The following NRCAM variants were observed in gnomAD, a reference collection of about 807,000 sequenced individuals.
NRCAM encodes the protein neuronal cell adhesion molecule, also known as NgCAM-related cell adhesion molecule.
Under a neutral mutation model 156.5 loss-of-function variants are expected in NRCAM, and 83 were observed. The observed-to-expected ratio is 0.53, with a 90% CI of 0.44 to 0.64. The LOEUF is 0.64. Ranked by LOEUF, NRCAM falls within the 30% of genes least tolerant of loss-of-function variation. NRCAM has a pLI of 0.00. For synonymous variants in NRCAM, 538 were observed against 563.9 expected, an observed-to-expected ratio of 0.95 and a Z score of 0.65; for missense variants, 1,417 against 1,597.3, an observed-to-expected ratio of 0.89 and a Z score of 1.92.
In NRCAM at chr7:108,182,744, C is replaced by T. The variant is rs768481303; in HGVS notation, c.2481G>A (p.Met827Ile). 6.2e-7 allele frequency: 1 copy of T among 1,614,246 alleles called. No individual in the cohort carries two copies. Among genetic ancestry groups the T allele is most frequent in the Middle Eastern group, 1.6e-4 (1 of 6,062 alleles). ...YLIKVQALND[M>I]GFAPEPAVVM... ...CTACAGCTGGCTCGGGGGCAAACCC[C>T]ATGTCATTCAGGGCCTGAACTTTGA... The change falls in exon 23 of 33, where the codon ATG becomes ATA. Residue 827 changes from methionine (M) to isoleucine (I), a missense_variant. Met to Ile is a conservative substitution (Grantham distance 10). Coordinates refer to ENST00000379028, the MANE Select transcript of NRCAM (RefSeq NM_001037132.4).
At chr7:108,448,328 ATGT>A (rs1191722486) in intron 1 of NRCAM, among the ~76,000 whole-genome samples, 7 of 152,240 alleles carry the variant, frequency 4.6e-5, no homozygotes, top group African/African-American at 1.7e-4. Flanking sequence ...TGCCATGTCA[ATGT>A]TATTTCCCTA....
chr7:108,220,914 CCA>C (rs1363094824), intron 11 of NRCAM, among the ~76,000 whole-genome samples: 1 of 152,098 alleles, frequency 6.6e-6, no homozygotes, highest in Non-Finnish European at 1.5e-5. Context: ...AACAGACAAC[CCA>C]CAGAGTGGGA....
At chr7:108,152,494 G>T (rs2042266007) in intron 32 of NRCAM, among the ~76,000 whole-genome samples, 1 of 151,310 alleles carries the variant, frequency 6.6e-6, no homozygotes, top group Admixed American at 6.6e-5. Context: ...GTGGAACATT[G>T]TAAGGACGCT....
intron 2 of NRCAM, among the ~76,000 whole-genome samples, chr7:108,376,524 TAAGGGG>T (rs920429196): frequency 6.6e-6 from 1 of 152,136 alleles, no homozygotes; most frequent in African/African-American, 2.4e-5. Context: ...AGAGTTAGTG[TAAGGGG>T]TTACAGCAGA....
intron 22 of NRCAM, 100 bp from the exon 23 acceptor site, chr7:108,183,020 C>A: frequency 2.2e-6 from 2 of 924,520 alleles, no homozygotes; most frequent in South Asian, 1.5e-5. Context: ...AGAAAGTGAT[C>A]ATTGAAATAC....
chr7:108,358,244 C>CAAAAAAA lies in NRCAM; in HGVS notation c.-174+41185_-174+41191dup, dbSNP rs71314689. Among the ~76,000 whole-genome samples, 2 of 71,786 alleles carry CAAAAAAA rather than the reference C, an allele frequency of 2.8e-5. 1 individual carries two copies. 47.1% of individuals were successfully genotyped at this position (71,786 alleles called of 152,430 possible). The stretch of plus-strand genomic sequence containing the variant: ...GCAACATGGTGAAACCCCCTCTCTA[C>CAAAAAAA]AAAAAAAAAAAAAAAAAAGGCCTGA... On this transcript the variant is annotated intron_variant, in intron 2 of 32. Transcript: ENST00000379028.
chr7:108,212,008 C>A (rs1332085489), intron 11 of NRCAM, among the ~76,000 whole-genome samples: 1 of 152,202 alleles, frequency 6.6e-6, no homozygotes, highest in African/African-American at 2.4e-5. Flanking sequence ...AACCCCCTGC[C>A]ACCTCCACCA....
At chr7:108,198,855 G>A (rs969222257) in intron 13 of NRCAM, among the ~76,000 whole-genome samples, 1 of 152,120 alleles carries the variant, frequency 6.6e-6, no homozygotes, top group Non-Finnish European at 1.5e-5. Flanking sequence ...GTATTAAAAC[G>A]TTAGGAACAG....
rs1293396115 is a variant in NRCAM, at chr7:108,409,756, C to CA, written c.-331-10164dup. Among the ~76,000 whole-genome samples, 3 of 152,074 alleles carry CA rather than the reference C, an allele frequency of 2.0e-5. No homozygotes were observed. In the East Asian group the frequency reaches 5.8e-4, roughly 29 times the overall value. On this transcript the variant is annotated intron_variant, in intron 1 of 32. Transcript: ENST00000379028. ...TAAAATTTAGCAAAATTTCCCCTGG[C>CA]AAAAAAATTTCACACCCATAGAAGC...
chr7:108,221,206 T>C (rs1160853253), intron 11 of NRCAM, among the ~76,000 whole-genome samples: 2 of 152,214 alleles, frequency 1.3e-5, no homozygotes, highest in African/African-American at 4.8e-5. Context: ...CAGTAGATGT[T>C]GGCATGGATG....
intron 3 of NRCAM, among the ~76,000 whole-genome samples, chr7:108,259,382 G>A (rs1400737581): frequency 2.0e-5 from 3 of 152,180 alleles, no homozygotes; most frequent in Non-Finnish European, 4.4e-5. Context: ...GGAACGCTCT[G>A]ACACTATTGA....
chr7:108,311,654 A>C (rs949785965), intron 3 of NRCAM, among the ~76,000 whole-genome samples: 1 of 152,210 alleles, frequency 6.6e-6, no homozygotes, highest in Non-Finnish European at 1.5e-5. Context: ...GTATTTTGAA[A>C]CACTGTAAGA....
At chr7:108,292,897 C>CA (rs2154125154) in intron 3 of NRCAM, among the ~76,000 whole-genome samples, 1 of 152,274 alleles carries the variant, frequency 6.6e-6, no homozygotes, top group East Asian at 1.9e-4. Context: ...AAATCTCCTA[C>CA]ACTGGTTGAG....
At chr7:108,206,530 C>T (rs189625488) in intron 13 of NRCAM, among the ~76,000 whole-genome samples, 1 of 152,126 alleles carries the variant, frequency 6.6e-6, no homozygotes, top group East Asian at 1.9e-4. Flanking sequence ...GTCTTGGTGT[C>T]TAAGAGGAGG....
At position 108,183,851 on chromosome 7, in the gene NRCAM, A is replaced by G. The variant is rs533627094; in HGVS notation, c.2304+390T>C. ...GCCCCAGGTGGTTCTTTATGATAAC[A>G]CTAGCTAGCATTTTTTTGAGCATGT... On this transcript the variant is annotated intron_variant, in intron 22 of 32. Transcript: ENST00000379028. 2.0e-5 allele frequency among the ~76,000 whole-genome samples: 3 copies of G among 152,110 alleles called. No individual in the cohort carries two copies. In the South Asian group the frequency reaches 6.2e-4, roughly 32 times the overall value.
chr7:108,438,360 T>C (rs1279157594), intron 1 of NRCAM, among the ~76,000 whole-genome samples: 1 of 152,066 alleles, frequency 6.6e-6, no homozygotes, highest in African/African-American at 2.4e-5. Context: ...AAGTTTAACA[T>C]CCAAAAATCA....
intron 28 of NRCAM, among the ~76,000 whole-genome samples, chr7:108,171,916 GT>G (rs1166432116): frequency 6.6e-6 from 1 of 152,082 alleles, no homozygotes; most frequent in Non-Finnish European, 1.5e-5. Flanking sequence ...TTATTTACTG[GT>G]TCTTTAGTAA....
Position 108,159,484 on chromosome 7 carries a change from T to C in NRCAM, c.3656A>G (p.Asp1219Gly), listed in dbSNP as rs1201919965. The C allele has an allele frequency of 6.2e-7, 1 of 1,613,512 alleles. No homozygotes were observed. Among genetic ancestry groups the C allele is most frequent in the Non-Finnish European group, 8.5e-7 (1 of 1,179,544 alleles). ...TCACCTGTATTCTCCAAATGTCCCA[T>C]CATCTTCCTTCATAGGCTGGATTTC... ...DPEIQPMKED[D>G]GTFGEYSDAE... Residue 1219 changes from aspartate to glycine, a missense_variant, in exon 32 of 33, where the codon GAT (aspartate) becomes GGT (glycine). Coordinates refer to ENST00000379028, the MANE Select transcript of NRCAM (RefSeq NM_001037132.4).
chr7:108,320,558 AAAAG>A (rs946102595), intron 2 of NRCAM, among the ~76,000 whole-genome samples: 1 of 152,196 alleles, frequency 6.6e-6, no homozygotes, highest in African/African-American at 2.4e-5. Flanking sequence ...GTCAAAAAAA[AAAAG>A]AGTGACTATT....
Sources: gnomAD v4.1 joint callset for allele counts (sites outside exome capture counted in the v4.1 genomes callset) on GRCh38, gnomAD v4.1.1 for gene constraint, MANE v1.5 for transcripts, NCBI Gene and HGNC (gene_info 2026-07-23, HGNC 2026-07-21) for gene names.